Variants in LMNB1 observed in about 807,000 individuals in gnomAD.
LMNB1 encodes lamin-B1.
In LMNB1, 23 loss-of-function variants were observed where a neutral mutation model predicts 67.1. The observed-to-expected ratio is 0.34, with a 90% CI of 0.25 to 0.49. LMNB1 has a LOEUF of 0.49. Among genes scored for constraint, LMNB1 ranks in the 20% least tolerant of loss-of-function variants. The pLI is 0.99. For synonymous variants in LMNB1, 281 were observed against 282.9 expected (o/e 0.99, Z 0.07); for missense variants, 634 against 746.5 (o/e 0.85, Z 1.76).
At chr5:126,834,184 G>T (rs547060207) in intron 10 of LMNB1, among the ~76,000 whole-genome samples, 2 of 152,194 alleles carry the variant, frequency 1.3e-5, no homozygotes, top group South Asian at 4.1e-4. Flanking sequence ...AACAGAGTAA[G>T]TGGAGGGTAC....
intron 4 of LMNB1, among the ~76,000 whole-genome samples, chr5:126,810,732 G>T (rs1299408165): frequency 1.3e-5 from 2 of 152,198 alleles, no homozygotes; most frequent in Non-Finnish European, 2.9e-5. Flanking sequence ...GACTGCATTA[G>T]ATCTCACTTT....
chr5:126,809,416 GT>G (rs1751531288), intron 3 of LMNB1, among the ~76,000 whole-genome samples: 1 of 152,194 alleles, frequency 6.6e-6, no homozygotes, highest in African/African-American at 2.4e-5. Context: ...GCTGGGCAAG[GT>G]GGTTCACACC....
intron 1 of LMNB1, among the ~76,000 whole-genome samples, chr5:126,792,680 GT>G (rs1446120638): frequency 2.0e-5 from 3 of 149,394 alleles, no homozygotes; most frequent in African/African-American, 7.4e-5. Flanking sequence ...AGGTTCAAGC[GT>G]TTCTCCTGCC....
rs753987528 is a variant in LMNB1, at chr5:126,813,799, C to G, written c.939+1901C>G. On this transcript the variant is annotated intron_variant, in intron 5 of 10. Transcript: ENST00000261366. ...ATGATCTAATTACCACTCAAAGGCCCTACCTCTTAATATCATCACCTTGAG... is the reference window on the plus strand; with the variant it reads ...ATGATCTAATTACCACTCAAAGGCCGTACCTCTTAATATCATCACCTTGAG... 2.4e-4 allele frequency among the ~76,000 whole-genome samples: 37 copies of G among 152,214 alleles called. 1 individual carries two copies. Among genetic ancestry groups the G allele is most frequent in the Non-Finnish European group, 4.7e-4 (32 of 68,034 alleles).
intron 3 of LMNB1, among the ~76,000 whole-genome samples, chr5:126,808,150 T>C (rs1392819664): frequency 6.8e-6 from 1 of 146,532 alleles, no homozygotes; most frequent in South Asian, 2.2e-4. Context: ...GGGATTATAG[T>C]TGTGAGCCAC....
At chr5:126,797,821 A>G (rs1277866221) in intron 1 of LMNB1, among the ~76,000 whole-genome samples, 1 of 152,194 alleles carries the variant, frequency 6.6e-6, no homozygotes, top group African/African-American at 2.4e-5. Flanking sequence ...CATGCTGGTA[A>G]TCGCAGCACT....
chr5:126,778,164 G>A (rs1381011115), intron 1 of LMNB1, among the ~76,000 whole-genome samples: 1 of 152,108 alleles, frequency 6.6e-6, no homozygotes, highest in Non-Finnish European at 1.5e-5. Context: ...AGGAGCTCCC[G>A]CTTTCGCACT....
At chr5:126,811,617 C>T (rs1303023210) in intron 4 of LMNB1, 156 bp from the exon 5 acceptor site, 1 of 544,260 alleles carries the variant, frequency 1.8e-6, no homozygotes. Context: ...GAATTACCAT[C>T]ATTCACACCA....
At chr5:126,781,854 CT>C (rs1254636710) in intron 1 of LMNB1, among the ~76,000 whole-genome samples, 2 of 152,164 alleles carry the variant, frequency 1.3e-5, no homozygotes, top group Non-Finnish European at 2.9e-5. Flanking sequence ...TACTTAGTTT[CT>C]TTTTGGTTCC....
intron 1 of LMNB1, among the ~76,000 whole-genome samples, chr5:126,794,982 T>G (rs1751051027): frequency 6.6e-6 from 1 of 152,218 alleles, no homozygotes; most frequent in East Asian, 1.9e-4. Flanking sequence ...ATTAAAACTA[T>G]TTTGTAATGA....
In LMNB1 at chr5:126,811,908, C is replaced by A; in HGVS notation, c.939+10C>A. On this transcript the variant is annotated intron_variant, in intron 5 of 10. Transcript: ENST00000261366. ...TAATCTACAGAAAGAGGTAAATAAT[C>A]ATCTTTCTGTAAGAAGTTAGACTTG... The A allele has an allele frequency of 6.2e-7, 1 of 1,603,684 alleles. No homozygotes were observed. The highest frequency in any genetic ancestry group is 8.5e-7 in the Non-Finnish European group (1 of 1,171,672).
Position 126,821,149 on chromosome 5 carries a change from C to G in LMNB1, c.1386+14C>G, listed in dbSNP as rs373583264. On this transcript the variant is annotated intron_variant, in intron 7 of 10. Transcript: ENST00000261366. ...ACTTCTGAACAGGTAATAAAATAGA[C>G]CCTTTTTTTTCTAGCAAGGCTTTGT... The G allele has an allele frequency of 1.4e-5, 21 of 1,554,244 alleles. No individual in the cohort carries two copies. Among genetic ancestry groups the G allele is most frequent in the Middle Eastern group, 3.3e-4 (2 of 5,994 alleles).
At chr5:126,800,903 C>T (rs777474246) in intron 1 of LMNB1, among the ~76,000 whole-genome samples, 13 of 138,192 alleles carry the variant, frequency 9.4e-5, no homozygotes, top group Non-Finnish European at 1.7e-4. Context: ...CCGCTTGCCT[C>T]GGCCTCCCAA....
At chr5:126,787,159 G>A (rs1750807549) in intron 1 of LMNB1, among the ~76,000 whole-genome samples, 1 of 152,028 alleles carries the variant, frequency 6.6e-6, no homozygotes, top group Non-Finnish European at 1.5e-5. Context: ...AACACTACAG[G>A]ATTGTGATAC....
chr5:126,799,676 C>A (rs1335935941), intron 1 of LMNB1, among the ~76,000 whole-genome samples: 1 of 152,172 alleles, frequency 6.6e-6, no homozygotes, highest in Non-Finnish European at 1.5e-5. Context: ...CCTGGTAGTA[C>A]ATAGTAGATA....
chr5:126,830,701 T>G (rs537996450), intron 9 of LMNB1, among the ~76,000 whole-genome samples: 5 of 152,210 alleles, frequency 3.3e-5, no homozygotes, highest in Non-Finnish European at 7.3e-5. Flanking sequence ...AATGTTTGCA[T>G]ATGGGATGTA....
At chr5:126,793,546 T>C (rs1751017401) in intron 1 of LMNB1, among the ~76,000 whole-genome samples, 1 of 152,186 alleles carries the variant, frequency 6.6e-6, no homozygotes. Context: ...CTTAGTCTTT[T>C]TGCATATGCC....
intron 7 of LMNB1, among the ~76,000 whole-genome samples, chr5:126,821,812 C>T (rs1403654964): frequency 6.6e-6 from 1 of 151,874 alleles, no homozygotes; most frequent in Non-Finnish European, 1.5e-5. Flanking sequence ...AGCGTGCAGG[C>T]GGCAGTGGGA....
chr5:126,810,177 CAGG>C lies in LMNB1; in HGVS notation c.643_645del (p.Glu215del). On this transcript the variant is annotated splice_acceptor_variant and coding_sequence_variant, in exon 4 of 11. Transcript: ENST00000261366. LOFTEE classifies it high-confidence loss of function. ...GGCTTTATGCTTTTTGTTTTTTCCC[CAGG>C]AGATTAACGAGACCAGAAGGAAGCA... The C allele has an allele frequency of 6.2e-7, 1 of 1,606,852 alleles. No individual in the cohort carries two copies. The highest frequency in any genetic ancestry group is 1.1e-5 in the South Asian group (1 of 90,700).
Sources: gnomAD v4.1 joint callset for allele counts (sites outside exome capture counted in the v4.1 genomes callset) on GRCh38, gnomAD v4.1.1 for gene constraint, MANE v1.5 for transcripts, NCBI Gene and HGNC (gene_info 2026-07-23, HGNC 2026-07-21) for gene names.